The following EDIL3 variants were observed in gnomAD, a reference collection of about 807,000 sequenced individuals.
EDIL3 encodes EGF like and discoidin domains 3.
A neutral mutation model predicts 67.4 loss-of-function variants in EDIL3; 37 were observed. That is an observed-to-expected ratio of 0.55 (90% CI 0.42 to 0.72). EDIL3 has a LOEUF of 0.72. EDIL3 is among the 30% of genes least tolerant of loss of function. The pLI is 0.00. For synonymous variants in EDIL3, 195 were observed against 196.3 expected, an observed-to-expected ratio of 0.99 and a Z score of 0.05; for missense variants, 527 against 586.3, an observed-to-expected ratio of 0.90 and a Z score of 1.04.
rs554791045 is a variant in EDIL3 at position 84,300,958 on chromosome 5, CAT to C, written c.68-46748_68-46747del. Among the ~76,000 whole-genome samples the C allele has an allele frequency of 1.3e-4, 16 of 120,538 alleles. No individual in the cohort carries two copies. In the South Asian group the frequency reaches 4.1e-3, roughly 31 times the overall value. The allele number at this position is 120,538 out of a possible 152,430, so 79.1% of individuals were successfully genotyped here. Reference sequence around the variant, plus strand: ...TACACACACACACACACACACGTCTCATAAAATATTTTAAAAATTGTACAGAA... The same window carrying C: ...TACACACACACACACACACACGTCTCAAAATATTTTAAAAATTGTACAGAA... On this transcript the variant is annotated intron_variant, in intron 1 of 10. Transcript: ENST00000296591.
chr5:84,252,448 C>A (rs866460694), intron 2 of EDIL3, among the ~76,000 whole-genome samples: 1 of 130,650 alleles, frequency 7.7e-6, no homozygotes, highest in South Asian at 2.4e-4. Context: ...GAGCTGAGAT[C>A]GTGCCAGTGC....
At chr5:84,028,542 CTGAAAATTAAGTGAAATTATACACACA>C (rs1745858582) in intron 9 of EDIL3, among the ~76,000 whole-genome samples, 1 of 151,984 alleles carries the variant, frequency 6.6e-6, no homozygotes, top group African/African-American at 2.4e-5. Flanking sequence ...TAAGACTATT[CTGAAAATTAAGTGAAATTATACACACA>C]TACACACAGA....
rs1561380309 is a variant in EDIL3 at position 83,942,450 on chromosome 5, T to C, written c.*969A>G. On this transcript the variant is annotated 3_prime_UTR_variant, in exon 11 of 11. Transcript: ENST00000296591. ...CAGCACTATATTAATATTTCTTTGC[T>C]AAATTTTTTATAAAATAAACAAATA... is the stretch of plus-strand genomic sequence containing the variant. 1 of 152,038 alleles carries C rather than the reference T, an allele frequency of 6.6e-6. No homozygotes were observed. The highest frequency in any genetic ancestry group is 2.4e-5 in the African/African-American group (1 of 41,442). The allele number at this position is 152,038 out of a possible 1,614,324, so 9.4% of individuals were successfully genotyped here.
At chr5:83,996,754 G>A (rs896503717) in intron 9 of EDIL3, among the ~76,000 whole-genome samples, 3 of 152,184 alleles carry the variant, frequency 2.0e-5, no homozygotes, top group Admixed American at 6.6e-5. Flanking sequence ...GGTCAGACAC[G>A]TCTTCCTAGA....
intron 9 of EDIL3, among the ~76,000 whole-genome samples, chr5:83,975,372 C>T (rs960440276): frequency 5.9e-5 from 9 of 151,904 alleles, no homozygotes; most frequent in African/African-American, 2.2e-4. Flanking sequence ...AGCTCATAAA[C>T]CACAATCTTA....
intron 4 of EDIL3, among the ~76,000 whole-genome samples, chr5:84,176,181 A>AATATATATATATATATAATATATATAT (rs1318129735): frequency 1.2e-5 from 1 of 86,480 alleles, no homozygotes; most frequent in Non-Finnish European, 2.0e-5. Context: ...AGTGGTAAAA[A>AATATATATATATATATAATATATATAT]ATATATATAT....
In EDIL3 at chr5:84,137,228, C is replaced by T. The variant is rs753369535; in HGVS notation, c.469+13G>A. ...ACACACACACACACACATACACACA[C>T]GTGAATACTTACTGTATTGACAATT... On this transcript the variant is annotated intron_variant, in intron 5 of 10. Coordinates refer to ENST00000296591, the MANE Select transcript of EDIL3 (RefSeq NM_005711.5). 1.7e-5 allele frequency: 27 copies of T among 1,580,492 alleles called. No individual in the cohort carries two copies. Among genetic ancestry groups the T allele is most frequent in the Admixed American group, 5.0e-5 (3 of 59,744 alleles).
intron 1 of EDIL3, among the ~76,000 whole-genome samples, chr5:84,332,889 T>C (rs971599250): frequency 1.3e-5 from 2 of 152,202 alleles, no homozygotes; most frequent in Non-Finnish European, 2.9e-5. Flanking sequence ...ATCCACCTTT[T>C]GAAATTGAGA....
At chr5:84,295,360 A>C (rs1215213639) in intron 1 of EDIL3, among the ~76,000 whole-genome samples, 2 of 152,072 alleles carry the variant, frequency 1.3e-5, no homozygotes, top group Non-Finnish European at 2.9e-5. Flanking sequence ...AAAGTCTAAA[A>C]TATTTCAGAC....
At chr5:84,009,278 T>C (rs973812774) in intron 9 of EDIL3, among the ~76,000 whole-genome samples, 1 of 152,228 alleles carries the variant, frequency 6.6e-6, no homozygotes, top group Admixed American at 6.5e-5. Flanking sequence ...TAGCATGTTA[T>C]GCAAACATCA....
At chr5:84,172,743 T>C (rs1035875418) in intron 4 of EDIL3, among the ~76,000 whole-genome samples, 1 of 152,186 alleles carries the variant, frequency 6.6e-6, no homozygotes, top group Non-Finnish European at 1.5e-5. Context: ...ATACACCTGA[T>C]AGCAATAACT....
intron 5 of EDIL3, among the ~76,000 whole-genome samples, chr5:84,117,289 C>T (rs191530827): frequency 5.3e-4 from 81 of 152,034 alleles, no homozygotes; most frequent in Non-Finnish European, 3.4e-4. Context: ...CTTGGCCTCC[C>T]AAAGTGCTGG....
chr5:84,205,698 G>C (rs965276308), intron 3 of EDIL3, among the ~76,000 whole-genome samples: 1 of 151,952 alleles, frequency 6.6e-6, no homozygotes, highest in African/African-American at 2.4e-5. Context: ...GTTTATTTGC[G>C]TAGAGGTGTT....
chr5:84,011,262 C>T (rs77808189), intron 9 of EDIL3, among the ~76,000 whole-genome samples: 6,038 of 152,210 alleles, frequency 0.04, 324 homozygotes, highest in African/African-American at 0.12. Context: ...TGTATCTTAG[C>T]AATCGGCCAA....
In EDIL3 at chr5:83,985,194, C is replaced by T. The variant is rs143658510; in HGVS notation, c.1138-21834G>A. 6.4e-3 allele frequency among the ~76,000 whole-genome samples: 902 copies of T among 140,828 alleles called. 12 individuals carry two copies. The highest frequency in any genetic ancestry group is 6.6e-3 in the Non-Finnish European group (416 of 62,868). 92.4% of individuals were successfully genotyped at this position (140,828 alleles called of 152,430 possible). On this transcript the variant is annotated intron_variant, in intron 9 of 10. Coordinates refer to ENST00000296591, the MANE Select transcript of EDIL3 (RefSeq NM_005711.5). Reference sequence around the variant, plus strand: ...GCTATATTTCCTTGCAAATTGATTACACCAGAGGAAAAAAATCACAAATAA... The same window carrying T: ...GCTATATTTCCTTGCAAATTGATTATACCAGAGGAAAAAAATCACAAATAA...
chr5:84,113,439 A>T (rs1747608504), intron 5 of EDIL3, among the ~76,000 whole-genome samples: 2 of 152,202 alleles, frequency 1.3e-5, no homozygotes, highest in Non-Finnish European at 2.9e-5. Context: ...AATACTGAGC[A>T]AGTGAGTCAC....
intron 1 of EDIL3, among the ~76,000 whole-genome samples, chr5:84,319,500 A>C (rs1207433652): frequency 0.011 from 230 of 20,294 alleles, 1 homozygote; most frequent in African/African-American, 0.023. Context: ...ACAACAAAAA[A>C]AAAAAAAAAA....
chr5:84,119,210 TG>T (rs1159035922), intron 5 of EDIL3, among the ~76,000 whole-genome samples: 18 of 124,536 alleles, frequency 1.4e-4, no homozygotes, highest in African/African-American at 4.2e-4. Flanking sequence ...TACATGCATT[TG>T]GTTTTTTTTT....
chr5:84,142,822 C>CA (rs900454492), intron 4 of EDIL3, among the ~76,000 whole-genome samples: 2 of 140,726 alleles, frequency 1.4e-5, no homozygotes, highest in Admixed American at 7.0e-5. Context: ...AGACGGTGCC[C>CA]CCCCCCCCAA....
Sources: allele counts gnomAD v4.1 joint callset (sites outside exome capture counted in the v4.1 genomes callset), GRCh38; gene constraint gnomAD v4.1.1; transcripts MANE v1.5; gene names NCBI Gene and HGNC (gene_info 2026-07-23, HGNC 2026-07-21).